Variants in SPHKAP observed in about 807,000 individuals in gnomAD.
SPHKAP encodes A-kinase anchor protein SPHKAP.
Under a neutral mutation model 137.5 loss-of-function variants are expected in SPHKAP, and 67 were observed. The observed-to-expected ratio is 0.49, with a 90% CI of 0.40 to 0.60. The LOEUF (loss-of-function observed/expected upper bound fraction) is 0.60, where lower values mean the gene tolerates loss of function less well. Ranked by LOEUF, SPHKAP falls within the 20% of genes least tolerant of loss-of-function variation. SPHKAP has a pLI of 0.00. For missense variants in SPHKAP, 2,097 were observed against 2,069.3 expected (o/e 1.01, Z -0.26); for synonymous variants, 813 against 785.3 (o/e 1.04, Z -0.59).
At chr2:228,151,578 A>G (rs955962119) in intron 1 of SPHKAP, among the ~76,000 whole-genome samples, 68 of 152,202 alleles carry the variant, frequency 4.5e-4, no homozygotes, top group African/African-American at 1.5e-3. Flanking sequence ...ATTTCTCCAC[A>G]TCCTCTCCAG....
At chr2:228,178,330 A>T (rs2106437458) in intron 1 of SPHKAP, among the ~76,000 whole-genome samples, 1 of 152,302 alleles carries the variant, frequency 6.6e-6, no homozygotes, top group Admixed American at 6.5e-5. Context: ...GTTTTCAGCT[A>T]GGAAATGGAG....
Position 228,017,003 on chromosome 2 carries a change from C to G in SPHKAP, c.3851G>C (p.Gly1284Ala). The G allele has an allele frequency of 6.2e-7, 1 of 1,614,124 alleles. No individual in the cohort carries two copies. Among genetic ancestry groups the G allele is most frequent in the Non-Finnish European group, 8.5e-7 (1 of 1,180,016 alleles). Residue 1284 changes from glycine (G) to alanine (A), a missense_variant, in exon 7 of 12, where the codon GGT (glycine) becomes GCT (alanine). Coordinates refer to ENST00000392056, the MANE Select transcript of SPHKAP (RefSeq NM_001142644.2). ...CAAGCAAGAGTCAGATTTGCAGAGACCGGATGAGGACGCGCTACTGACCGG... is the reference window on the plus strand; with the variant it reads ...CAAGCAAGAGTCAGATTTGCAGAGAGCGGATGAGGACGCGCTACTGACCGG... ...VQPVSSASSS[G>A]LCKSDSCLYR...
intron 7 of SPHKAP, among the ~76,000 whole-genome samples, chr2:228,004,730 C>G (rs1278709446): frequency 2.6e-5 from 4 of 151,992 alleles, no homozygotes; most frequent in South Asian, 2.1e-4. Flanking sequence ...TGCTTTAAAT[C>G]TGTCCCAGAG....
At chr2:228,064,351 G>A (rs966268493) in intron 3 of SPHKAP, among the ~76,000 whole-genome samples, 5 of 152,074 alleles carry the variant, frequency 3.3e-5, no homozygotes, top group South Asian at 4.1e-4. Context: ...CATTATCATC[G>A]TGTGTAGAAT....
At chr2:228,062,575 T>C (rs1696688031) in intron 3 of SPHKAP, among the ~76,000 whole-genome samples, 1 of 151,990 alleles carries the variant, frequency 6.6e-6, no homozygotes, top group African/African-American at 2.4e-5. Flanking sequence ...TAGAGAAATA[T>C]GTCTCCATAC....
chr2:228,098,303 A>G (rs1698062570), intron 3 of SPHKAP, among the ~76,000 whole-genome samples: 1 of 152,106 alleles, frequency 6.6e-6, no homozygotes, highest in Non-Finnish European at 1.5e-5. Context: ...TGTCTGTTCC[A>G]CATGCACACA....
At chr2:228,089,332 T>C (rs1697644406) in intron 3 of SPHKAP, among the ~76,000 whole-genome samples, 1 of 152,154 alleles carries the variant, frequency 6.6e-6, no homozygotes, top group Non-Finnish European at 1.5e-5. Flanking sequence ...ACAGAAGAAA[T>C]TTGTGAGGAG....
intron 3 of SPHKAP, among the ~76,000 whole-genome samples, chr2:228,075,228 A>C (rs771765070): frequency 6.6e-6 from 1 of 152,254 alleles, no homozygotes; most frequent in Non-Finnish European, 1.5e-5. Context: ...TTGTGCCACA[A>C]ATGTAGTAAC....
chr2:228,130,912 C>A (rs1336424626), intron 2 of SPHKAP, among the ~76,000 whole-genome samples: 1 of 152,012 alleles, frequency 6.6e-6, no homozygotes, highest in African/African-American at 2.4e-5. Flanking sequence ...ATTAATTAGA[C>A]AGTTTTTTCA....
At chr2:228,045,754 TAAAA>T (rs748838496) in intron 3 of SPHKAP, among the ~76,000 whole-genome samples, 2 of 149,136 alleles carry the variant, frequency 1.3e-5, no homozygotes, top group Non-Finnish European at 3.0e-5. Flanking sequence ...ATAATAATAA[TAAAA>T]AAAAGAAAAA....
At chr2:228,154,988 A>G (rs1365718600) in intron 1 of SPHKAP, among the ~76,000 whole-genome samples, 1 of 152,066 alleles carries the variant, frequency 6.6e-6, no homozygotes, top group African/African-American at 2.4e-5. Context: ...TCTAATTACA[A>G]TGCATTTCCC....
At chr2:228,057,607 A>G (rs1344078391) in intron 3 of SPHKAP, among the ~76,000 whole-genome samples, 1 of 151,990 alleles carries the variant, frequency 6.6e-6, no homozygotes, top group Non-Finnish European at 1.5e-5. Context: ...TGAGAAATGC[A>G]TGGGGAGCCC....
intron 7 of SPHKAP, among the ~76,000 whole-genome samples, chr2:228,000,104 T>G (rs1425509153): frequency 2.0e-5 from 3 of 152,234 alleles, no homozygotes; most frequent in African/African-American, 7.2e-5. Flanking sequence ...TGACAACCAC[T>G]GATCTTTTTA....
At chr2:228,035,308 G>T (rs1695543149) in intron 3 of SPHKAP, among the ~76,000 whole-genome samples, 2 of 151,318 alleles carry the variant, frequency 1.3e-5, no homozygotes, top group South Asian at 4.2e-4. Context: ...AAAATACCTA[G>T]GAATCCAACT....
chr2:228,141,310 G>A (rs1269007616), intron 1 of SPHKAP, among the ~76,000 whole-genome samples: 1 of 152,174 alleles, frequency 6.6e-6, no homozygotes, highest in African/African-American at 2.4e-5. Flanking sequence ...TAGAAGCTTT[G>A]TCATGAGATG....
chr2:227,995,382 G>T, intron 8 of SPHKAP, 127 bp downstream of exon 8: 1 of 1,130,490 alleles, frequency 8.8e-7, no homozygotes. Context: ...GACATAGTGG[G>T]AACTTTCCTT....
chr2:228,113,873 A>C (rs1257436929), intron 2 of SPHKAP, among the ~76,000 whole-genome samples: 2 of 152,190 alleles, frequency 1.3e-5, no homozygotes, highest in East Asian at 3.9e-4. Context: ...AGAGCCAAAT[A>C]AGTAAAAGAG....
chr2:228,150,407 A>C (rs1169332481), intron 1 of SPHKAP, among the ~76,000 whole-genome samples: 2 of 152,176 alleles, frequency 1.3e-5, no homozygotes, highest in Admixed American at 1.3e-4. Context: ...ATCTGGGAGT[A>C]GAAATTTTCT....
At chr2:228,015,269 G>A (rs201309143) in intron 7 of SPHKAP, among the ~76,000 whole-genome samples, 7 of 150,394 alleles carry the variant, frequency 4.7e-5, no homozygotes, top group Non-Finnish European at 5.9e-5. Context: ...TTTTATGGCT[G>A]CATAGTATTC....
Sources: gnomAD v4.1 joint callset for allele counts (sites outside exome capture counted in the v4.1 genomes callset) on GRCh38, gnomAD v4.1.1 for gene constraint, MANE v1.5 for transcripts, NCBI Gene and HGNC (gene_info 2026-07-23, HGNC 2026-07-21) for gene names.